Variants in GLDN observed in about 807,000 individuals in gnomAD.
The protein encoded by GLDN is collomin.
A neutral mutation model predicts 56.5 loss-of-function variants in GLDN; 47 were observed. That is an observed-to-expected ratio of 0.83 (90% CI 0.66 to 1.06). The LOEUF is 1.06. Ranked by LOEUF, GLDN falls within the 50% of genes least tolerant of loss-of-function variation. The pLI, the probability that GLDN is intolerant of heterozygous loss-of-function variation, is 0.00. For missense variants in GLDN, 782 were observed against 714.3 expected (o/e 1.09, Z -1.08); for synonymous variants, 332 against 278.8 (o/e 1.19, Z -1.90).
intron 4 of GLDN, among the ~76,000 whole-genome samples, chr15:51,386,581 G>A (rs927427390): frequency 1.3e-5 from 2 of 152,236 alleles, no homozygotes; most frequent in Non-Finnish European, 2.9e-5. Context: ...ACAGTGATGG[G>A]ATCAGATCTG....
At chr15:51,345,630 C>T (rs957335325) in intron 1 of GLDN, among the ~76,000 whole-genome samples, 1 of 152,114 alleles carries the variant, frequency 6.6e-6, no homozygotes, top group African/African-American at 2.4e-5. Flanking sequence ...GTGTCTCACC[C>T]CCAAAACTAT....
chr15:51,392,203 C>G lies in GLDN; in HGVS notation c.542-2632C>G, dbSNP rs1015166546. On this transcript the variant is annotated intron_variant, in intron 4 of 9. Coordinates refer to ENST00000335449, the MANE Select transcript of GLDN (RefSeq NM_181789.4). ...TACGTTTTAGGGTAGGGGTCCCCAGCCCCCAGACCCATATCGGTCCATGAC... is the reference window on the plus strand; with the variant it reads ...TACGTTTTAGGGTAGGGGTCCCCAGGCCCCAGACCCATATCGGTCCATGAC... 2.6e-5 allele frequency among the ~76,000 whole-genome samples: 4 copies of G among 152,200 alleles called. No homozygotes were observed. The East Asian group carries it at 7.7e-4, about 29-fold the overall frequency.
At chr15:51,384,159 G>C (rs2037837225) in intron 4 of GLDN, 2 of 453,770 alleles carry the variant, frequency 4.4e-6, no homozygotes, top group East Asian at 4.8e-5. Flanking sequence ...GAGGTGGAAG[G>C]AGCAGGAGCC....
At chr15:51,410,612 A>G (rs895068167), downstream of GLDN, among the ~76,000 whole-genome samples, 5 of 152,134 alleles carry the variant, frequency 3.3e-5, no homozygotes, top group Non-Finnish European at 5.9e-5. Context: ...TCTTAATGAC[A>G]TCATGCTGAC....
chr15:51,375,450 T>C (rs1427720083), intron 1 of GLDN, among the ~76,000 whole-genome samples: 2 of 152,270 alleles, frequency 1.3e-5, no homozygotes, highest in South Asian at 2.1e-4. Flanking sequence ...AAGTATGTTA[T>C]ATGTGCTGCT....
At chr15:51,355,674 C>G (rs991765578) in intron 1 of GLDN, among the ~76,000 whole-genome samples, 1 of 151,044 alleles carries the variant, frequency 6.6e-6, no homozygotes, top group African/African-American at 2.4e-5. Context: ...CAGGCACGCA[C>G]CAACACACCC....
At chr15:51,397,875 G>A (rs1280897950) in intron 6 of GLDN, among the ~76,000 whole-genome samples, 7 of 152,004 alleles carry the variant, frequency 4.6e-5, no homozygotes, top group African/African-American at 7.3e-5. Context: ...TGCTCTGTCC[G>A]CCATCCCTCC....
intron 1 of GLDN, among the ~76,000 whole-genome samples, chr15:51,362,655 C>A (rs959919177): frequency 1.3e-5 from 2 of 152,070 alleles, no homozygotes; most frequent in Non-Finnish European, 2.9e-5. Flanking sequence ...GACATGATCT[C>A]ACCTGAATTC....
At chr15:51,392,444 A>G (rs1438081064) in intron 4 of GLDN, among the ~76,000 whole-genome samples, 1 of 152,216 alleles carries the variant, frequency 6.6e-6, no homozygotes, top group Admixed American at 6.5e-5. Flanking sequence ...GGGACTGTCT[A>G]GTTGCATGAA....
At chr15:51,350,290 C>T (rs559911332) in intron 1 of GLDN, among the ~76,000 whole-genome samples, 5 of 152,296 alleles carry the variant, frequency 3.3e-5, no homozygotes, top group South Asian at 2.1e-4. Context: ...GTTTCAAACT[C>T]TATCTGTTCT....
At chr15:51,373,323 T>C (rs2037553921) in intron 1 of GLDN, among the ~76,000 whole-genome samples, 1 of 152,204 alleles carries the variant, frequency 6.6e-6, no homozygotes, top group South Asian at 2.1e-4. Context: ...AACCCAAGTA[T>C]ATGAAAAGTC....
chr15:51,387,631 C>T (rs2037927541), intron 4 of GLDN, among the ~76,000 whole-genome samples: 1 of 152,120 alleles, frequency 6.6e-6, no homozygotes, highest in Admixed American at 6.5e-5. Context: ...GAAGGAAGGG[C>T]TGTCATTTAA....
downstream of GLDN, among the ~76,000 whole-genome samples, chr15:51,408,202 G>A (rs747795982): frequency 6.6e-6 from 1 of 152,158 alleles, no homozygotes; most frequent in Non-Finnish European, 1.5e-5. Flanking sequence ...AAACATGAGC[G>A]ATGGAAATCT....
Position 51,404,571 on chromosome 15 carries a change from G to A in GLDN, c.1473G>A (p.Arg491=), listed in dbSNP as rs141622986. Reference sequence around the variant, plus strand: ...ATGTCACAGACACCAAAGATATGAGGGTCACATTTGCCTTTGATTTGTTAG... The same window carrying A: ...ATGTCACAGACACCAAAGATATGAGAGTCACATTTGCCTTTGATTTGTTAG... The part of the protein sequence containing the change: ...ILYVTDTKDM[R]VTFAFDLLGG... Residue 491 remains arginine, a synonymous_variant, in exon 10 of 10, where the codon AGG becomes AGA. Coordinates refer to ENST00000335449, the MANE Select transcript of GLDN (RefSeq NM_181789.4). The A allele has an allele frequency of 2.1e-4, 338 of 1,613,876 alleles. No homozygotes were observed. The highest frequency in any genetic ancestry group is 3.3e-4 in the Admixed American group (20 of 60,004).
At chr15:51,412,631 T>G (rs540969626), downstream of GLDN, among the ~76,000 whole-genome samples, 11 of 152,356 alleles carry the variant, frequency 7.2e-5, no homozygotes, top group African/African-American at 2.4e-4. Flanking sequence ...TATTAATCTA[T>G]GGGTGTCATA....
At chr15:51,383,579 T>C in intron 3 of GLDN, 126 bp downstream of exon 3, 1 of 1,181,876 alleles carries the variant, frequency 8.5e-7, no homozygotes. Context: ...TGTCTCCTTC[T>C]TTGTGCCCCT....
intron 1 of GLDN, among the ~76,000 whole-genome samples, chr15:51,356,049 T>G (rs886508875): frequency 6.6e-6 from 1 of 150,898 alleles, no homozygotes; most frequent in Non-Finnish European, 1.5e-5. Flanking sequence ...CTACTAAAAA[T>G]ACAAAAGATT....
rs2038336407 is a variant in GLDN, at chr15:51,404,674, G to T, written c.1576G>T (p.Asp526Tyr). The change falls in exon 10 of 10, where the codon GAT becomes TAT. Residue 526 changes from aspartate to tyrosine, a missense_variant. Asp to Tyr is a radical substitution (Grantham distance 160). Transcript: ENST00000335449. ...VLAMLAYNMR[D>Y]QHLYSWEDGH... is the part of the protein sequence containing the mutation. The stretch of plus-strand genomic sequence containing the variant: ...TGCCATGTTAGCATACAACATGAGA[G>T]ATCAGCATTTATATTCATGGGAAGA... 1 of 1,613,010 alleles carries T rather than the reference G, an allele frequency of 6.2e-7. No individual in the cohort carries two copies. The highest frequency in any genetic ancestry group is 8.5e-7 in the Non-Finnish European group (1 of 1,178,944).
chr15:51,381,155 C>T lies in GLDN; in HGVS notation c.416-2281C>T, dbSNP rs17602748. Among the ~76,000 whole-genome samples the T allele has an allele frequency of 5.7e-3, 865 of 152,308 alleles. 5 individuals carry two copies. Among genetic ancestry groups the T allele is most frequent in the Non-Finnish European group, 8.8e-3 (600 of 68,022 alleles). ...ATCACCACAGTGAGAGCCTTGGCCA[C>T]GGCTAACGTGTCCTGAATATACAGC... On this transcript the variant is annotated intron_variant, in intron 2 of 9. Transcript: ENST00000335449.
Sources: gnomAD v4.1 joint callset for allele counts (sites outside exome capture counted in the v4.1 genomes callset) on GRCh38, gnomAD v4.1.1 for gene constraint, MANE v1.5 for transcripts, NCBI Gene and HGNC (gene_info 2026-07-23, HGNC 2026-07-21) for gene names.